HS6ST3: variants seen among roughly 807,000 people sequenced by gnomAD.
HS6ST3 encodes the protein heparan-sulfate 6-O-sulfotransferase 3.
In HS6ST3, 12 loss-of-function variants were observed where a neutral mutation model predicts 36.7. The observed-to-expected ratio is 0.33, with a 90% CI of 0.21 to 0.53. The LOEUF (loss-of-function observed/expected upper bound fraction) is 0.53, where lower values mean the gene tolerates loss of function less well. Among genes scored for constraint, HS6ST3 ranks in the 20% least tolerant of loss-of-function variants. The pLI, the probability that HS6ST3 is intolerant of heterozygous loss-of-function variation, is 0.95. For synonymous variants in HS6ST3, 240 were observed against 257.5 expected (o/e 0.93, Z 0.65); for missense variants, 584 against 640.9 (o/e 0.91, Z 0.96).
intron 1 of HS6ST3, among the ~76,000 whole-genome samples, chr13:96,478,247 T>A (rs1006733957): frequency 6.6e-6 from 1 of 152,186 alleles, no homozygotes; most frequent in Non-Finnish European, 1.5e-5. Context: ...TTGCTCAGTT[T>A]TATTTGTGTT....
intron 1 of HS6ST3, among the ~76,000 whole-genome samples, chr13:96,608,044 C>G (rs2056445093): frequency 6.6e-6 from 1 of 152,078 alleles, no homozygotes; most frequent in South Asian, 2.1e-4. Flanking sequence ...TGAATTTGAG[C>G]TTCAGTAATG....
intron 1 of HS6ST3, among the ~76,000 whole-genome samples, chr13:96,709,211 C>T (rs1875501631): frequency 1.3e-5 from 2 of 152,196 alleles, no homozygotes; most frequent in Admixed American, 1.3e-4. Flanking sequence ...GCTTCCCTTT[C>T]ACTTTCTGCC....
At chr13:96,169,147 A>C (rs1403642944) in intron 1 of HS6ST3, among the ~76,000 whole-genome samples, 1 of 152,134 alleles carries the variant, frequency 6.6e-6, no homozygotes, top group Admixed American at 6.5e-5. Flanking sequence ...AGCATATCAG[A>C]GTTGAAATGA....
intron 1 of HS6ST3, among the ~76,000 whole-genome samples, chr13:96,748,780 G>T (rs1262791610): frequency 6.6e-6 from 1 of 152,000 alleles, no homozygotes; most frequent in Non-Finnish European, 1.5e-5. Context: ...TGTTTGTGAA[G>T]TAAATAATAA....
intron 1 of HS6ST3, among the ~76,000 whole-genome samples, chr13:96,331,250 G>A (rs2055065112): frequency 6.6e-6 from 1 of 152,182 alleles, no homozygotes; most frequent in Non-Finnish European, 1.5e-5. Context: ...GAGGAGGAGA[G>A]GTGCTCTGCG....
chr13:96,439,113 G>A (rs1183569958), intron 1 of HS6ST3, among the ~76,000 whole-genome samples: 1 of 151,992 alleles, frequency 6.6e-6, no homozygotes, highest in Non-Finnish European at 1.5e-5. Flanking sequence ...GTGGCCGCTA[G>A]AGATCATCTA....
chr13:96,293,886 T>C (rs2054842015), intron 1 of HS6ST3, among the ~76,000 whole-genome samples: 1 of 152,092 alleles, frequency 6.6e-6, no homozygotes, highest in East Asian at 1.9e-4. Flanking sequence ...ATTAGGGTGA[T>C]AGAGGATGTT....
At chr13:96,702,728 C>T (rs1033525166) in intron 1 of HS6ST3, among the ~76,000 whole-genome samples, 12 of 152,042 alleles carry the variant, frequency 7.9e-5, no homozygotes, top group Non-Finnish European at 1.8e-4. Context: ...AAAACTAAGC[C>T]CACTGGATTT....
chr13:96,492,749 G>A (rs1334529965), intron 1 of HS6ST3, among the ~76,000 whole-genome samples: 2 of 152,172 alleles, frequency 1.3e-5, no homozygotes, highest in East Asian at 1.9e-4. Context: ...AGGAAGTACT[G>A]TAGCTTCCTT....
intron 1 of HS6ST3, among the ~76,000 whole-genome samples, chr13:96,153,960 A>C (rs1002111124): frequency 2.0e-5 from 3 of 152,166 alleles, no homozygotes; most frequent in African/African-American, 7.2e-5. Flanking sequence ...TTGCTAGCTG[A>C]TTGGCTTTGC....
At chr13:96,253,619 G>A (rs538004221) in intron 1 of HS6ST3, among the ~76,000 whole-genome samples, 55 of 152,224 alleles carry the variant, frequency 3.6e-4, no homozygotes, top group Non-Finnish European at 5.9e-4. Flanking sequence ...ATATTCCACC[G>A]TCTCACTGAT....
intron 1 of HS6ST3, among the ~76,000 whole-genome samples, chr13:96,554,250 C>T (rs2056230996): frequency 6.6e-6 from 1 of 152,022 alleles, no homozygotes; most frequent in Non-Finnish European, 1.5e-5. Context: ...TAGATAACAG[C>T]CAGGAAAGTG....
chr13:96,173,794 T>C (rs1190258867), intron 1 of HS6ST3, among the ~76,000 whole-genome samples: 1 of 150,812 alleles, frequency 6.6e-6, no homozygotes, highest in African/African-American at 2.4e-5. Context: ...AATTGAGGAT[T>C]GCATTCCAAA....
chr13:96,098,669 A>ATAAAG (rs1320005834), intron 1 of HS6ST3, among the ~76,000 whole-genome samples: 13 of 151,302 alleles, frequency 8.6e-5, no homozygotes, highest in Non-Finnish European at 1.6e-4. Flanking sequence ...AAATAAATAA[A>ATAAAG]TAAAATAAAA....
chr13:96,498,669 A>G (rs1367562677), intron 1 of HS6ST3, among the ~76,000 whole-genome samples: 1 of 152,190 alleles, frequency 6.6e-6, no homozygotes, highest in Non-Finnish European at 1.5e-5. Flanking sequence ...GTCTTCCCCT[A>G]GACAGGTACA....
intron 1 of HS6ST3, among the ~76,000 whole-genome samples, chr13:96,317,280 A>G (rs911437611): frequency 6.8e-6 from 1 of 147,528 alleles, no homozygotes; most frequent in Non-Finnish European, 1.5e-5. Context: ...TCCATGTTGC[A>G]GCAAAGGACA....
At chr13:96,350,237 T>G (rs2055175112) in intron 1 of HS6ST3, among the ~76,000 whole-genome samples, 1 of 152,244 alleles carries the variant, frequency 6.6e-6, no homozygotes, top group Non-Finnish European at 1.5e-5. Context: ...TTCATCATGC[T>G]CACAACAGAT....
chr13:96,629,516 G>C (rs1433650065), intron 1 of HS6ST3, among the ~76,000 whole-genome samples: 1 of 152,134 alleles, frequency 6.6e-6, no homozygotes, highest in Non-Finnish European at 1.5e-5. Context: ...GTGGGTGTGG[G>C]ATCCTAGGGC....
chr13:96,240,583 T>C (rs72642945), intron 1 of HS6ST3, among the ~76,000 whole-genome samples: 286 of 152,280 alleles, frequency 1.9e-3, no homozygotes, highest in Admixed American at 3.1e-3. Flanking sequence ...AGAGCCTGTA[T>C]GTAGGTTCTG....
Sources: gnomAD v4.1 joint callset for allele counts (sites outside exome capture counted in the v4.1 genomes callset) on GRCh38, gnomAD v4.1.1 for gene constraint, MANE v1.5 for transcripts, NCBI Gene and HGNC (gene_info 2026-07-23, HGNC 2026-07-21) for gene names.